SNTG1: variants seen among roughly 807,000 people sequenced by gnomAD.
SNTG1 encodes the protein syntrophin gamma 1, also known as gamma-1-syntrophin.
SNTG1 carries 39 observed loss-of-function variants against 74.7 expected under a neutral mutation model. The ratio of observed to expected loss-of-function variants is 0.52; its 90% CI spans 0.40 to 0.68. SNTG1 has a LOEUF of 0.68. Among genes scored for constraint, SNTG1 ranks in the 30% least tolerant of loss-of-function variants. The pLI, the probability that SNTG1 is intolerant of heterozygous loss-of-function variation, is 0.00. For missense variants in SNTG1, 685 were observed against 609.5 expected (o/e 1.12, Z -1.30); for synonymous variants, 254 against 217.1 (o/e 1.17, Z -1.49).
chr8:50,667,993 T>C (rs1398348065), intron 15 of SNTG1, among the ~76,000 whole-genome samples: 3 of 152,028 alleles, frequency 2.0e-5, no homozygotes, highest in Admixed American at 2.0e-4. Context: ...GGTTTTAGTG[T>C]TGCTGCTCTG....
At chr8:50,059,631 A>G (rs1820311156) in intron 1 of SNTG1, among the ~76,000 whole-genome samples, 1 of 152,088 alleles carries the variant, frequency 6.6e-6, no homozygotes, top group African/African-American at 2.4e-5. Flanking sequence ...TTCACTTAGC[A>G]TAATGTTTCC....
chr8:50,766,844 T>A (rs2095615122), intron 18 of SNTG1, among the ~76,000 whole-genome samples: 1 of 151,928 alleles, frequency 6.6e-6, no homozygotes, highest in South Asian at 2.1e-4. Context: ...ATAATATATT[T>A]AATAAAGTGC....
chr8:50,201,553 C>T (rs773082411), intron 2 of SNTG1, among the ~76,000 whole-genome samples: 68 of 152,104 alleles, frequency 4.5e-4, no homozygotes, highest in African/African-American at 1.5e-3. Context: ...TCTAGCGCTG[C>T]GTGACACTCC....
chr8:50,167,198 AC>A (rs1482006002), intron 1 of SNTG1, among the ~76,000 whole-genome samples: 2 of 148,480 alleles, frequency 1.3e-5, no homozygotes, highest in East Asian at 2.0e-4. Context: ...GGTGCAGCAC[AC>A]CAGCATGGCA....
intron 11 of SNTG1, among the ~76,000 whole-genome samples, chr8:50,538,474 A>G (rs1459898029): frequency 1.3e-5 from 2 of 152,160 alleles, no homozygotes; most frequent in Non-Finnish European, 2.9e-5. Context: ...GAGAGGATAC[A>G]GACTTTGGAG....
rs115428073 is a variant in SNTG1 at position 50,257,376 on chromosome 8, G to A, written c.-28+84741G>A. Among the ~76,000 whole-genome samples, 430 of 152,182 alleles carry A rather than the reference G, an allele frequency of 2.8e-3. 3 individuals carry two copies. The highest frequency in any genetic ancestry group is 9.5e-3 in the African/African-American group (393 of 41,536). ...CCTCGTAGAGTAGGGGTGCCCCTCCGTGAAAAGCAGAAAATTTTCCCTGTC... is the reference window on the plus strand; with the variant it reads ...CCTCGTAGAGTAGGGGTGCCCCTCCATGAAAAGCAGAAAATTTTCCCTGTC... On this transcript the variant is annotated intron_variant, in intron 2 of 18. Transcript: ENST00000642720.
At chr8:50,193,760 G>A (rs1466208490) in intron 2 of SNTG1, among the ~76,000 whole-genome samples, 6 of 151,982 alleles carry the variant, frequency 3.9e-5, no homozygotes, top group Admixed American at 3.9e-4. Flanking sequence ...GTTCTCAGAG[G>A]GAATGCTTTC....
At chr8:49,996,687 G>A (rs1814252530) in intron 1 of SNTG1, among the ~76,000 whole-genome samples, 1 of 152,024 alleles carries the variant, frequency 6.6e-6, no homozygotes, top group African/African-American at 2.4e-5. Flanking sequence ...AGATAGATAT[G>A]CCAACACTTT....
At chr8:50,014,415 G>A (rs368744475) in intron 1 of SNTG1, among the ~76,000 whole-genome samples, 1 of 151,498 alleles carries the variant, frequency 6.6e-6, no homozygotes, top group African/African-American at 2.4e-5. Context: ...GGAAAACGGA[G>A]CCTGGCTGAG....
At chr8:50,004,831 A>G (rs1177955807) in intron 1 of SNTG1, among the ~76,000 whole-genome samples, 4 of 152,190 alleles carry the variant, frequency 2.6e-5, no homozygotes, top group Non-Finnish European at 4.4e-5. Context: ...TAAAAGGGCA[A>G]CCAGCATTAG....
chr8:50,499,484 G>C (rs376980487), intron 8 of SNTG1, among the ~76,000 whole-genome samples: 1 of 150,694 alleles, frequency 6.6e-6, no homozygotes, highest in Non-Finnish European at 1.5e-5. Context: ...TCTGCAGATA[G>C]AGGCTTTTAT....
intron 8 of SNTG1, among the ~76,000 whole-genome samples, chr8:50,470,080 T>A (rs1397587410): frequency 1.3e-5 from 2 of 152,220 alleles, no homozygotes; most frequent in African/African-American, 4.8e-5. Context: ...ACACAAACAT[T>A]CTTATATGAG....
At chr8:50,515,634 T>C (rs897304501) in intron 9 of SNTG1, among the ~76,000 whole-genome samples, 1 of 152,034 alleles carries the variant, frequency 6.6e-6, no homozygotes, top group Non-Finnish European at 1.5e-5. Context: ...CGTCTACCAT[T>C]ACTGAGCCTT....
At chr8:50,719,239 A>G (rs1471283886) in intron 17 of SNTG1, among the ~76,000 whole-genome samples, 1 of 152,234 alleles carries the variant, frequency 6.6e-6, no homozygotes, top group African/African-American at 2.4e-5. Flanking sequence ...TGATAGCATT[A>G]GGAGGAGAGC....
At chr8:50,134,860 G>A (rs1409512201) in intron 1 of SNTG1, among the ~76,000 whole-genome samples, 4 of 152,076 alleles carry the variant, frequency 2.6e-5, no homozygotes, top group Non-Finnish European at 5.9e-5. Flanking sequence ...TATCAAAAAC[G>A]ATCCAGCTTT....
intron 8 of SNTG1, among the ~76,000 whole-genome samples, chr8:50,472,307 C>T (rs978809791): frequency 6.6e-6 from 1 of 152,138 alleles, no homozygotes; most frequent in Non-Finnish European, 1.5e-5. Context: ...TACAAATCTA[C>T]AGCCAAAACA....
chr8:50,033,439 A>G lies in SNTG1; in HGVS notation c.-103+121208A>G, dbSNP rs184028458. 1.1e-3 allele frequency among the ~76,000 whole-genome samples: 175 copies of G among 152,240 alleles called. 1 individual carries two copies. The highest frequency in any genetic ancestry group is 5.4e-3 in the East Asian group (28 of 5,178). On this transcript the variant is annotated intron_variant, in intron 1 of 18. Transcript: ENST00000642720. ...GCGCCCAGCCAATTTATTATTCTTA[A>G]TAATAATAATTGATATATACCTAAT...
chr8:50,396,444 A>G (rs1445395231), intron 3 of SNTG1, among the ~76,000 whole-genome samples: 1 of 152,198 alleles, frequency 6.6e-6, no homozygotes, highest in Admixed American at 6.5e-5. Flanking sequence ...TTAGTTAAGG[A>G]AAAGGCCATG....
intron 1 of SNTG1, among the ~76,000 whole-genome samples, chr8:50,122,656 A>G (rs182009638): frequency 7.0e-6 from 1 of 142,146 alleles, no homozygotes; most frequent in East Asian, 2.0e-4. Flanking sequence ...GGTTGGCAGC[A>G]TAAGGAGGCA....
Sources: gnomAD v4.1 joint callset for allele counts (sites outside exome capture counted in the v4.1 genomes callset) on GRCh38, gnomAD v4.1.1 for gene constraint, MANE v1.5 for transcripts, NCBI Gene and HGNC (gene_info 2026-07-23, HGNC 2026-07-21) for gene names.